The following PRUNE2 variants were observed in gnomAD, a reference collection of about 807,000 sequenced individuals.
The protein encoded by PRUNE2 is protein prune homolog 2.
A neutral mutation model predicts 252.0 loss-of-function variants in PRUNE2; 164 were observed. The observed-to-expected ratio is 0.65, with a 90% CI of 0.57 to 0.74. The LOEUF (loss-of-function observed/expected upper bound fraction) is 0.74. Ranked by LOEUF, PRUNE2 falls within the 30% of genes least tolerant of loss-of-function variation. The pLI is 0.00. For missense variants in PRUNE2, 3,495 were observed against 3,711.0 expected, an observed-to-expected ratio of 0.94 and a Z score of 1.51; for synonymous variants, 1,292 against 1,350.2, an observed-to-expected ratio of 0.96 and a Z score of 0.94.
chr9:76,741,172 T>A (rs2049587710), intron 6 of PRUNE2, among the ~76,000 whole-genome samples: 1 of 152,200 alleles, frequency 6.6e-6, no homozygotes, highest in Non-Finnish European at 1.5e-5. Flanking sequence ...CATTTCCCCA[T>A]CAGCTGAGTT....
intron 15 of PRUNE2, among the ~76,000 whole-genome samples, chr9:76,633,640 G>A (rs114361665): frequency 0.018 from 2,738 of 151,964 alleles, 37 homozygotes; most frequent in African/African-American, 0.029. Flanking sequence ...TGTTTCCTAC[G>A]GCTGCTTTTG....
chr9:76,705,553 C>T lies in PRUNE2; in HGVS notation c.6721G>A (p.Glu2241Lys). The T allele has an allele frequency of 3.1e-6, 5 of 1,614,052 alleles. No individual in the cohort carries two copies. The highest frequency in any genetic ancestry group is 1.3e-5 in the African/African-American group (1 of 75,060). The change falls in exon 8 of 19, where the codon GAG (glutamate) becomes AAG (lysine). Residue 2241 changes from glutamate (E) to lysine (K), a missense_variant. Transcript: ENST00000376718. ...VATSIFVTHQEPTPEGDGSWI... is the reference protein window; with the variant it reads ...VATSIFVTHQKPTPEGDGSWI... ...GAACCGTCACCTTCTGGAGTTGGCTCTTGGTGAGTTACAAAAATGCTAGTT... is the reference window on the plus strand; with the variant it reads ...GAACCGTCACCTTCTGGAGTTGGCTTTTGGTGAGTTACAAAAATGCTAGTT...
chr9:76,655,971 C>G (rs1849049068), intron 9 of PRUNE2, among the ~76,000 whole-genome samples: 1 of 152,196 alleles, frequency 6.6e-6, no homozygotes, highest in African/African-American at 2.4e-5. Flanking sequence ...TATACACCTA[C>G]TTCACCACGT....
At chr9:76,625,746 C>T (rs1458523325) in intron 16 of PRUNE2, among the ~76,000 whole-genome samples, 1 of 152,164 alleles carries the variant, frequency 6.6e-6, no homozygotes, top group East Asian at 1.9e-4. Context: ...CATGTTGCCA[C>T]CTGGCAATGT....
chr9:76,745,623 C>A (rs1295387626), intron 6 of PRUNE2, among the ~76,000 whole-genome samples: 2 of 152,164 alleles, frequency 1.3e-5, no homozygotes, highest in Non-Finnish European at 2.9e-5. Flanking sequence ...TTCCCCCAAA[C>A]TATCCTTGAG....
intron 17 of PRUNE2, among the ~76,000 whole-genome samples, chr9:76,622,413 T>C (rs920973896): frequency 6.6e-6 from 1 of 152,128 alleles, no homozygotes; most frequent in African/African-American, 2.4e-5. Flanking sequence ...AAAAAATCTA[T>C]TAAAAGAAGC....
chr9:76,821,550 T>G (rs1245534519), intron 6 of PRUNE2, among the ~76,000 whole-genome samples: 2 of 151,624 alleles, frequency 1.3e-5, no homozygotes, highest in Admixed American at 6.6e-5. Flanking sequence ...CTAAGGAGGT[T>G]TTTTTTTTCC....
chr9:76,795,553 G>C (rs569180975), intron 6 of PRUNE2, among the ~76,000 whole-genome samples: 2 of 152,148 alleles, frequency 1.3e-5, no homozygotes, highest in African/African-American at 4.8e-5. Flanking sequence ...GCCCCTGGGG[G>C]GGAGCATGTT....
chr9:76,637,340 A>G lies in PRUNE2; in HGVS notation c.8963+78T>C, dbSNP rs985277442. ...TTTCTTCTTGTGTATAATGAAGATAATAACAGTATACCATGTGGTTGTTTA... is the reference window on the plus strand; with the variant it reads ...TTTCTTCTTGTGTATAATGAAGATAGTAACAGTATACCATGTGGTTGTTTA... On this transcript the variant is annotated intron_variant, in intron 14 of 18. Coordinates refer to ENST00000376718, the MANE Select transcript of PRUNE2 (RefSeq NM_015225.3). The G allele has an allele frequency of 5.9e-6, 8 of 1,365,020 alleles. No homozygotes were observed. The African/African-American group carries it at 1.0e-4, about 17-fold the overall frequency. The allele number at this position is 1,365,020 out of a possible 1,614,324, so 84.6% of individuals were successfully genotyped here.
At chr9:76,890,169 C>T (rs2062380835) in intron 1 of PRUNE2, among the ~76,000 whole-genome samples, 1 of 152,336 alleles carries the variant, frequency 6.6e-6, no homozygotes, top group African/African-American at 2.4e-5. Context: ...CTTTGAGCCT[C>T]AGTTTCCAGC....
chr9:76,902,001 C>A (rs1250321212), intron 1 of PRUNE2, among the ~76,000 whole-genome samples: 2 of 152,166 alleles, frequency 1.3e-5, no homozygotes, highest in African/African-American at 4.8e-5. Flanking sequence ...CTGCGGTGAT[C>A]TCCACCCATT....
rs778604467 is a variant in PRUNE2, at chr9:76,644,832, T to G, written c.8635A>C (p.Asn2879His). The change falls in exon 12 of 19, where the codon AAC becomes CAC. Residue 2879 changes from asparagine (N) to histidine (H), a missense_variant. Asn to His is a moderately conservative substitution (Grantham distance 68). Transcript: ENST00000376718. ...ATGACCACTGTCCTCCAAAGCCGGTTGTCCTCCCGTTCCTCTTCGGCCGTA... is the reference window on the plus strand; with the variant it reads ...ATGACCACTGTCCTCCAAAGCCGGTGGTCCTCCCGTTCCTCTTCGGCCGTA... ...EYTAEEERED[N>H]RLWRTVVIGE... 1 of 1,613,978 alleles carries G rather than the reference T, an allele frequency of 6.2e-7. No individual in the cohort carries two copies. Among genetic ancestry groups the G allele is most frequent in the Non-Finnish European group, 8.5e-7 (1 of 1,179,854 alleles).
At chr9:76,865,808 C>CACACACAT (rs1419178313) in intron 1 of PRUNE2, among the ~76,000 whole-genome samples, 16 of 119,402 alleles carry the variant, frequency 1.3e-4, no homozygotes, top group Middle Eastern at 4.0e-3. Context: ...TCTCTCCCTA[C>CACACACAT]ACACACACAC....
chr9:76,615,241 C>A (rs544357339), intron 18 of PRUNE2: 107 of 985,210 alleles, frequency 1.1e-4, no homozygotes, highest in Non-Finnish European at 1.2e-4. Context: ...CAACTTCCTA[C>A]CGCATCCACC....
At chr9:76,673,689 CA>C (rs1206888824) in intron 9 of PRUNE2, among the ~76,000 whole-genome samples, 2 of 148,646 alleles carry the variant, frequency 1.3e-5, no homozygotes, top group Non-Finnish European at 3.0e-5. Flanking sequence ...AGCAGCACAT[CA>C]AAAAGCTTAT....
chr9:76,741,322 G>A (rs2049599146), intron 6 of PRUNE2, among the ~76,000 whole-genome samples: 1 of 152,126 alleles, frequency 6.6e-6, no homozygotes, highest in African/African-American at 2.4e-5. Flanking sequence ...ATAACCCAAA[G>A]ACATGTGTCA....
intron 9 of PRUNE2, among the ~76,000 whole-genome samples, chr9:76,658,739 A>T (rs1423073555): frequency 6.6e-6 from 1 of 152,258 alleles, no homozygotes; most frequent in Non-Finnish European, 1.5e-5. Context: ...GTCAGGCTGT[A>T]CTATGGCTGA....
chr9:76,837,148 A>C (rs2059029871), intron 4 of PRUNE2, among the ~76,000 whole-genome samples: 1 of 152,176 alleles, frequency 6.6e-6, no homozygotes. Flanking sequence ...GCTGATTAAA[A>C]AAATGAAGTT....
chr9:76,904,393 T>A (rs918641478), intron 1 of PRUNE2, among the ~76,000 whole-genome samples: 1 of 152,210 alleles, frequency 6.6e-6, no homozygotes, highest in Non-Finnish European at 1.5e-5. Context: ...CCCCACAGTC[T>A]AAATGTTTAT....
Sources: allele counts gnomAD v4.1 joint callset (sites outside exome capture counted in the v4.1 genomes callset), GRCh38; gene constraint gnomAD v4.1.1; transcripts MANE v1.5; gene names NCBI Gene and HGNC (gene_info 2026-07-23, HGNC 2026-07-21).